Variants in GPC5 observed in about 807,000 individuals in gnomAD.
The protein encoded by GPC5 is glypican-5.
Under a neutral mutation model 53.9 loss-of-function variants are expected in GPC5, and 47 were observed. The ratio of observed to expected loss-of-function variants is 0.87; its 90% CI spans 0.69 to 1.11. The LOEUF (loss-of-function observed/expected upper bound fraction) is 1.11, where lower values mean the gene tolerates loss of function less well. Among genes scored for constraint, GPC5 ranks in the 50% most tolerant of loss-of-function variants. The probability of loss-of-function intolerance (pLI) is 0.00; values close to 1 mark genes in which losing one functional copy is unlikely to be tolerated. For missense variants in GPC5, 748 were observed against 713.1 expected (o/e 1.05, Z -0.56); for synonymous variants, 286 against 263.3 (o/e 1.09, Z -0.84).
chr13:92,487,322 G>C (rs997188480), intron 7 of GPC5, among the ~76,000 whole-genome samples: 3 of 152,178 alleles, frequency 2.0e-5, no homozygotes, highest in Admixed American at 2.0e-4. Context: ...ATGTTATTTA[G>C]TGAGAGTGAC....
intron 7 of GPC5, among the ~76,000 whole-genome samples, chr13:92,298,426 C>T (rs1478545584): frequency 6.6e-6 from 1 of 152,150 alleles, no homozygotes; most frequent in Non-Finnish European, 1.5e-5. Context: ...CTCTGGCCAC[C>T]TTCTAGAAGG....
chr13:91,928,699 G>A (rs2039792974), intron 6 of GPC5, among the ~76,000 whole-genome samples: 1 of 152,028 alleles, frequency 6.6e-6, no homozygotes, highest in South Asian at 2.1e-4. Context: ...TCCCTTCTTT[G>A]CCCCTACAAC....
rs545921186 is a variant in GPC5 at position 91,908,056 on chromosome 13, A to G, written c.1400A>G (p.Gln467Arg). ...ATTGATAAACTGAAGCATGTTGTTC[A>G]GGTAAGTCCTGATCCTATATTTATT... The part of the protein sequence containing the change: ...QIIDKLKHVV[Q>R]LLQGRSPKPD... The change falls in exon 6 of 8, where the codon CAG (glutamine) becomes CGG (arginine). Residue 467 changes from glutamine (Q) to arginine (R), a missense_variant and splice_region_variant. Physicochemically the swap from Gln to Arg is conservative, Grantham distance 43. Coordinates refer to ENST00000377067, the MANE Select transcript of GPC5 (RefSeq NM_004466.6). 1.7e-5 allele frequency: 27 copies of G among 1,566,380 alleles called. No homozygotes were observed. The African/African-American group carries it at 2.6e-4, about 15-fold the overall frequency.
intron 1 of GPC5, among the ~76,000 whole-genome samples, chr13:91,443,356 CAGAGAGA>C (rs2139075226): frequency 6.6e-6 from 1 of 152,236 alleles, no homozygotes; most frequent in East Asian, 1.9e-4. Flanking sequence ...TGTGAGGGCA[CAGAGAGA>C]AGATGGTCAG....
chr13:92,234,362 G>A (rs903055253), intron 7 of GPC5, among the ~76,000 whole-genome samples: 4 of 152,146 alleles, frequency 2.6e-5, no homozygotes, highest in Admixed American at 1.3e-4. Flanking sequence ...TAACTGGTGT[G>A]AGATGGTATC....
intron 7 of GPC5, among the ~76,000 whole-genome samples, chr13:92,348,543 A>G (rs1411984705): frequency 6.6e-6 from 1 of 152,172 alleles, no homozygotes; most frequent in African/African-American, 2.4e-5. Flanking sequence ...ATTAATAAGA[A>G]AACATCGACA....
chr13:92,407,522 A>G (rs1219821622), intron 7 of GPC5, among the ~76,000 whole-genome samples: 1 of 152,174 alleles, frequency 6.6e-6, no homozygotes, highest in Non-Finnish European at 1.5e-5. Flanking sequence ...CAAGTTTATA[A>G]TAAGAATTGC....
intron 7 of GPC5, among the ~76,000 whole-genome samples, chr13:92,491,252 A>G (rs1268606150): frequency 6.6e-6 from 1 of 152,088 alleles, no homozygotes; most frequent in Non-Finnish European, 1.5e-5. Context: ...ATTCTCCATA[A>G]TTACAAGCTA....
intron 6 of GPC5, among the ~76,000 whole-genome samples, chr13:92,003,885 T>C (rs532809122): frequency 7.6e-4 from 115 of 152,270 alleles, no homozygotes; most frequent in African/African-American, 2.6e-3. Context: ...AATCACTAAA[T>C]CTGATCTGTG....
Position 91,503,817 on chromosome 13 carries a change from A to AATCATCATCATCATCATC in GPC5, c.325+54899_325+54900insTCATCATCATCATCATCA, listed in dbSNP as rs1230141661. Among the ~76,000 whole-genome samples, 2 of 147,416 alleles carry AATCATCATCATCATCATC rather than the reference A, an allele frequency of 1.4e-5. 1 individual carries two copies. Among genetic ancestry groups the AATCATCATCATCATCATC allele is most frequent in the African/African-American group, 5.0e-5 (2 of 40,046 alleles). ...TAATAATAATAATAATAATAATAAT[A>AATCATCATCATCATCATC]ATCAGGCTGTTGTGGCACATTAGGG... On this transcript the variant is annotated intron_variant, in intron 2 of 7. Coordinates refer to ENST00000377067, the MANE Select transcript of GPC5 (RefSeq NM_004466.6).
chr13:92,536,494 G>A (rs1454903449), intron 7 of GPC5, among the ~76,000 whole-genome samples: 1 of 152,114 alleles, frequency 6.6e-6, no homozygotes, highest in African/African-American at 2.4e-5. Flanking sequence ...AAGCAGTCTG[G>A]TAATTTATAC....
intron 5 of GPC5, among the ~76,000 whole-genome samples, chr13:91,906,132 C>G (rs755950371): frequency 3.3e-5 from 5 of 152,016 alleles, no homozygotes; most frequent in Non-Finnish European, 7.4e-5. Flanking sequence ...GGTGTGACCT[C>G]CTATCCATTG....
intron 2 of GPC5, among the ~76,000 whole-genome samples, chr13:91,490,850 A>G (rs1883904612): frequency 1.3e-5 from 2 of 152,132 alleles, no homozygotes; most frequent in African/African-American, 4.8e-5. Context: ...TGCAGTTTAT[A>G]GTCACCATCT....
At chr13:91,915,255 T>G (rs1286253227) in intron 6 of GPC5, among the ~76,000 whole-genome samples, 2 of 152,306 alleles carry the variant, frequency 1.3e-5, no homozygotes, top group Middle Eastern at 3.4e-3. Flanking sequence ...GGTCATCTAA[T>G]TTAGCAATTA....
intron 7 of GPC5, among the ~76,000 whole-genome samples, chr13:92,265,486 C>T (rs1481842193): frequency 6.6e-6 from 1 of 152,086 alleles, no homozygotes; most frequent in Non-Finnish European, 1.5e-5. Context: ...AGATTTTCCT[C>T]ATTTATCTCT....
At chr13:91,441,141 T>C (rs1390518813) in intron 1 of GPC5, among the ~76,000 whole-genome samples, 2 of 138,984 alleles carry the variant, frequency 1.4e-5, no homozygotes, top group Non-Finnish European at 3.3e-5. Context: ...CTTCAGACTC[T>C]CCTCTTTTGT....
At chr13:92,760,867 A>C (rs914756917) in intron 7 of GPC5, among the ~76,000 whole-genome samples, 1 of 152,036 alleles carries the variant, frequency 6.6e-6, no homozygotes, top group African/African-American at 2.4e-5. Context: ...TGTTTGTTTC[A>C]AGATATATTT....
chr13:92,043,249 T>A (rs1206302710), intron 6 of GPC5, among the ~76,000 whole-genome samples: 3 of 152,204 alleles, frequency 2.0e-5, no homozygotes, highest in Admixed American at 6.5e-5. Context: ...GACAGTCACA[T>A]TTATGGGCCC....
At chr13:91,848,612 G>A (rs2038878341) in intron 5 of GPC5, among the ~76,000 whole-genome samples, 1 of 152,116 alleles carries the variant, frequency 6.6e-6, no homozygotes, top group South Asian at 2.1e-4. Context: ...TAGAAAAGAG[G>A]ATGTTCTAAA....
Sources: gnomAD v4.1 joint callset for allele counts (sites outside exome capture counted in the v4.1 genomes callset) on GRCh38, gnomAD v4.1.1 for gene constraint, MANE v1.5 for transcripts, NCBI Gene and HGNC (gene_info 2026-07-23, HGNC 2026-07-21) for gene names.